Variants in FAM107B observed in about 807,000 individuals in gnomAD.
FAM107B encodes protein FAM107B.
In FAM107B, 21 loss-of-function variants were observed where a neutral mutation model predicts 31.5. The observed-to-expected ratio is 0.67, with a 90% confidence interval of 0.47 to 0.96. FAM107B has a LOEUF of 0.96. Ranked by LOEUF, FAM107B falls within the 40% of genes least tolerant of loss-of-function variation. The pLI is 0.00. For synonymous variants in FAM107B, 157 were observed against 141.5 expected (o/e 1.11, Z -0.78); for missense variants, 452 against 377.1 (o/e 1.20, Z -1.64).
intron 2 of FAM107B, among the ~76,000 whole-genome samples, chr10:14,585,987 C>G (rs1480427324): frequency 2.6e-5 from 4 of 152,186 alleles, no homozygotes; most frequent in Non-Finnish European, 5.9e-5. Context: ...CTGCCACTAA[C>G]TGCTGACCCT....
intron 2 of FAM107B, among the ~76,000 whole-genome samples, chr10:14,606,732 T>G (rs1852599642): frequency 6.6e-6 from 1 of 151,938 alleles, no homozygotes; most frequent in African/African-American, 2.4e-5. Flanking sequence ...CTTTCCCCAC[T>G]CTCTCTTTCT....
At chr10:14,565,730 C>T (rs1001383795) in intron 2 of FAM107B, among the ~76,000 whole-genome samples, 1 of 152,022 alleles carries the variant, frequency 6.6e-6, no homozygotes, top group African/African-American at 2.4e-5. Context: ...CAAAAGTGTC[C>T]TCAAAATACC....
intron 2 of FAM107B, among the ~76,000 whole-genome samples, chr10:14,535,479 A>G (rs1847510577): frequency 6.6e-6 from 1 of 152,208 alleles, no homozygotes; most frequent in Admixed American, 6.5e-5. Context: ...CTGGGCTTTG[A>G]TTTCTTCAAA....
chr10:14,730,360 C>T (rs559156503), intron 1 of FAM107B, among the ~76,000 whole-genome samples: 1 of 152,274 alleles, frequency 6.6e-6, no homozygotes, highest in East Asian at 1.9e-4. Context: ...GGTGCCCTGA[C>T]CCGACTCTTG....
intron 1 of FAM107B, among the ~76,000 whole-genome samples, chr10:14,689,065 G>C (rs1855060258): frequency 6.6e-6 from 1 of 152,136 alleles, no homozygotes; most frequent in African/African-American, 2.4e-5. Context: ...CGCTGGGCTG[G>C]TGTGGGAAAT....
intron 2 of FAM107B, among the ~76,000 whole-genome samples, chr10:14,622,150 C>CG (rs1853027834): frequency 6.6e-6 from 1 of 152,122 alleles, no homozygotes; most frequent in South Asian, 2.1e-4. Context: ...ATGCATCCAA[C>CG]GGGGGCCAGG....
intron 2 of FAM107B, among the ~76,000 whole-genome samples, chr10:14,535,309 C>T (rs151272764): frequency 5.9e-4 from 90 of 152,232 alleles, no homozygotes; most frequent in African/African-American, 2.1e-3. Context: ...AAAATGAATG[C>T]TGTAAAAACT....
At chr10:14,751,483 G>C (rs1026814130) in intron 1 of FAM107B, among the ~76,000 whole-genome samples, 1 of 151,592 alleles carries the variant, frequency 6.6e-6, no homozygotes, top group Admixed American at 6.6e-5. Flanking sequence ...AAGTTGAATA[G>C]AGTGAACTTA....
In FAM107B at chr10:14,519,950, G is replaced by A. The variant is rs540061038; in HGVS notation, c.*1240C>T. 8 of 152,750 alleles carry A rather than the reference G, an allele frequency of 5.2e-5. No individual in the cohort carries two copies. Among genetic ancestry groups the A allele is most frequent in the African/African-American group, 1.7e-4 (7 of 41,558 alleles). 9.5% of individuals were successfully genotyped at this position (152,750 alleles called of 1,614,324 possible). A position where few individuals can be genotyped will look rare whatever the true frequency, so the allele number is the denominator to read the frequency against. On this transcript the variant is annotated 3_prime_UTR_variant, in exon 5 of 5. Coordinates refer to ENST00000181796, the MANE Select transcript of FAM107B (RefSeq NM_031453.4). ...GTCTGTAACTCGGCCCCCTCTCTGA[G>A]GAGCGTGCTGCTAGCTAGAACAAGG... is the stretch of plus-strand genomic sequence containing the variant.
chr10:14,525,149 G>C (rs952260438), intron 3 of FAM107B, among the ~76,000 whole-genome samples: 1 of 152,254 alleles, frequency 6.6e-6, no homozygotes, highest in African/African-American at 2.4e-5. Flanking sequence ...AAATGGAACA[G>C]AGATAGTGTC....
chr10:14,750,536 C>T (rs1411237645), intron 1 of FAM107B, among the ~76,000 whole-genome samples: 2 of 152,100 alleles, frequency 1.3e-5, no homozygotes, highest in Admixed American at 6.6e-5. Flanking sequence ...CGCTTGAACC[C>T]GGGAGGGGGA....
Position 14,712,293 on chromosome 10 carries a change from G to A in FAM107B, c.412-44602C>T, listed in dbSNP as rs545226782. ...AAAAATTAAAAAATTAAAAAAAAATGTTTAAAAAGAAGTTGGGGCCGGGTG... is the reference window on the plus strand; with the variant it reads ...AAAAATTAAAAAATTAAAAAAAAATATTTAAAAAGAAGTTGGGGCCGGGTG... On this transcript the variant is annotated intron_variant, in intron 1 of 4. Coordinates refer to ENST00000181796, the MANE Select transcript of FAM107B (RefSeq NM_031453.4). Among the ~76,000 whole-genome samples, 274 of 152,036 alleles carry A rather than the reference G, an allele frequency of 1.8e-3. 1 individual carries two copies. Among genetic ancestry groups the A allele is most frequent in the African/African-American group, 6.1e-3 (255 of 41,478 alleles).
intron 2 of FAM107B, among the ~76,000 whole-genome samples, chr10:14,534,470 C>G (rs1294711150): frequency 6.6e-6 from 1 of 152,190 alleles, no homozygotes; most frequent in African/African-American, 2.4e-5. Context: ...GCTACCAACG[C>G]TGGAAAATAC....
intron 1 of FAM107B, among the ~76,000 whole-genome samples, chr10:14,774,026 G>A (rs566983419): frequency 2.6e-5 from 4 of 152,128 alleles, no homozygotes; most frequent in Non-Finnish European, 5.9e-5. Flanking sequence ...GGTTACCTTC[G>A]GTCATTGCCA....
chr10:14,615,309 A>C (rs1237207021), intron 2 of FAM107B, among the ~76,000 whole-genome samples: 1 of 152,194 alleles, frequency 6.6e-6, no homozygotes, highest in Non-Finnish European at 1.5e-5. Context: ...AGCCTGGGTG[A>C]CAAAGTGAGA....
chr10:14,581,110 G>A (rs866769267), intron 2 of FAM107B, among the ~76,000 whole-genome samples: 1 of 152,180 alleles, frequency 6.6e-6, no homozygotes, highest in Non-Finnish European at 1.5e-5. Flanking sequence ...AGGAGGACAG[G>A]CAATTTGCAA....
At chr10:14,541,963 C>T (rs1167537114) in intron 2 of FAM107B, among the ~76,000 whole-genome samples, 3 of 152,112 alleles carry the variant, frequency 2.0e-5, no homozygotes, top group South Asian at 2.1e-4. Context: ...CGTATTAAAA[C>T]GTACTGAATG....
intron 4 of FAM107B, among the ~76,000 whole-genome samples, 164 bp from the exon 5 acceptor site, chr10:14,521,470 T>G (rs1255641904): frequency 2.0e-5 from 3 of 152,168 alleles, no homozygotes. Context: ...TGGGTAATTG[T>G]GCACAGAAAC....
intron 2 of FAM107B, among the ~76,000 whole-genome samples, chr10:14,533,962 G>A (rs369417754): frequency 2.0e-5 from 3 of 152,318 alleles, no homozygotes; most frequent in East Asian, 3.9e-4. Flanking sequence ...TCAGACACTT[G>A]TGGCTGCACA....
Sources: gnomAD v4.1 joint callset for allele counts (sites outside exome capture counted in the v4.1 genomes callset) on GRCh38, gnomAD v4.1.1 for gene constraint, MANE v1.5 for transcripts, NCBI Gene and HGNC (gene_info 2026-07-23, HGNC 2026-07-21) for gene names.